The following PXDN variants were observed in gnomAD, a reference collection of about 807,000 sequenced individuals.
The protein encoded by PXDN is peroxidasin.
A neutral mutation model predicts 140.3 loss-of-function variants in PXDN; 77 were observed. That is an observed-to-expected ratio of 0.55 (90% CI 0.46 to 0.66). The LOEUF (loss-of-function observed/expected upper bound fraction) is 0.66, where lower values mean the gene tolerates loss of function less well. PXDN is among the 30% of genes least tolerant of loss of function. The pLI is 0.00. For synonymous variants in PXDN, 911 were observed against 857.4 expected (o/e 1.06, Z -1.09); for missense variants, 1,838 against 2,039.5 (o/e 0.90, Z 1.90).
At position 1,651,742 on chromosome 2, in the gene PXDN, C is replaced by A. The variant is rs866338608; in HGVS notation, c.2104+1886G>T. The stretch of plus-strand genomic sequence containing the variant: ...TCACCTTCGCCCATGGGGAACAGCA[C>A]CCCATCCCAGCCAGGGCACCACCCA... On this transcript the variant is annotated intron_variant, in intron 16 of 22. Coordinates refer to ENST00000252804, the MANE Select transcript of PXDN (RefSeq NM_012293.3). This position sits in a 1 kb window ranked among gnomAD's most constrained non-coding sequence, Gnocchi z 4.4. Among the ~76,000 whole-genome samples, 6 of 152,210 alleles carry A rather than the reference C, an allele frequency of 3.9e-5. No homozygotes were observed. The highest frequency in any genetic ancestry group is 1.4e-4 in the African/African-American group (6 of 41,446).
At chr2:1,742,472 G>T (rs1407175231) in intron 1 of PXDN, among the ~76,000 whole-genome samples, 1 of 152,206 alleles carries the variant, frequency 6.6e-6, no homozygotes, top group African/African-American at 2.4e-5. Context: ...TCGGTGAGGC[G>T]TTTGTGGACG....
rs1572139625 is a variant in PXDN at position 1,664,018 on chromosome 2, A to G, written c.1409-255T>C. ...AGGGAAAAGCACTACACAGGGGGCC[A>G]GGAGGACATGGGGACTCGGGGAGTC... On this transcript the variant is annotated intron_variant, in intron 11 of 22. Transcript: ENST00000252804. 9 of 477,738 alleles carry G rather than the reference A, an allele frequency of 1.9e-5. No homozygotes were observed. In the East Asian group the frequency reaches 3.2e-4, roughly 17 times the overall value. The allele number at this position is 477,738 out of a possible 1,614,324, so 29.6% of individuals were successfully genotyped here. A position where few individuals can be genotyped will look rare whatever the true frequency, so the allele number is the denominator to read the frequency against.
rs1438393247 is a variant in PXDN at position 1,685,868 on chromosome 2, C to T, written c.417-1717G>A. On this transcript the variant is annotated intron_variant, in intron 4 of 22. Coordinates refer to ENST00000252804, the MANE Select transcript of PXDN (RefSeq NM_012293.3). This position sits in a 1 kb window ranked among gnomAD's most constrained non-coding sequence, Gnocchi z 5.1. ...CAGGACCAAAGACAGGAAATGGCTCCCCAAGTATACTGAGGTCATCATTGA... is the reference window on the plus strand; with the variant it reads ...CAGGACCAAAGACAGGAAATGGCTCTCCAAGTATACTGAGGTCATCATTGA... Among the ~76,000 whole-genome samples the T allele has an allele frequency of 6.6e-6, 1 of 152,110 alleles. No homozygotes were observed. Among genetic ancestry groups the T allele is most frequent in the Non-Finnish European group, 1.5e-5 (1 of 68,016 alleles).
At position 1,684,158 on chromosome 2, in the gene PXDN, G is replaced by A. The variant is rs755502218; in HGVS notation, c.417-7C>T. The A allele has an allele frequency of 5.2e-5, 81 of 1,562,466 alleles. No homozygotes were observed. In the African/African-American group the frequency reaches 9.4e-4, roughly 18 times the overall value. ...CTGATTAAAGTGCAGGTATCTAGAGGAGTTAAAAGAAAAAAAAGTATAACT... is the reference window on the plus strand; with the variant it reads ...CTGATTAAAGTGCAGGTATCTAGAGAAGTTAAAAGAAAAAAAAGTATAACT... On this transcript the variant is annotated splice_polypyrimidine_tract_variant and splice_region_variant and intron_variant, in intron 4 of 22. Coordinates refer to ENST00000252804, the MANE Select transcript of PXDN (RefSeq NM_012293.3).
At chr2:1,741,239 C>T (rs539622344) in intron 1 of PXDN, among the ~76,000 whole-genome samples, 1 of 152,270 alleles carries the variant, frequency 6.6e-6, no homozygotes, top group East Asian at 1.9e-4. Flanking sequence ...GGGCGTACAA[C>T]GGCATACTTT....
At position 1,643,725 on chromosome 2, in the gene PXDN, C is replaced by T. The variant is rs1682782397; in HGVS notation, c.3744-149G>A. The T allele has an allele frequency of 4.0e-6, 3 of 745,626 alleles. No homozygotes were observed. The Admixed American group carries it at 7.3e-5, about 18-fold the overall frequency. The allele number at this position is 745,626 out of a possible 1,614,324, so 46.2% of individuals were successfully genotyped here. ...TGTCACTTAAAAATGGACTCACACA[C>T]TGCTCACATCCCCTACCCCATAACA... On this transcript the variant is annotated intron_variant, in intron 18 of 22. Coordinates refer to ENST00000252804, the MANE Select transcript of PXDN (RefSeq NM_012293.3).
intron 16 of PXDN, among the ~76,000 whole-genome samples, chr2:1,650,807 C>T (rs1258251162): frequency 6.6e-6 from 1 of 152,134 alleles, no homozygotes; most frequent in Non-Finnish European, 1.5e-5. Context: ...CACAGAGTTC[C>T]AAGCCATCAC....
intron 12 of PXDN, 44 bp downstream of exon 12, chr2:1,663,561 C>T (rs750173529): frequency 1.9e-6 from 3 of 1,601,912 alleles, no homozygotes; most frequent in Non-Finnish European, 1.7e-6. Context: ...TCCTGATAAC[C>T]GATCTGAGAA....
At chr2:1,707,723 A>C (rs1206823860) in intron 1 of PXDN, among the ~76,000 whole-genome samples, 1 of 152,212 alleles carries the variant, frequency 6.6e-6, no homozygotes, top group African/African-American at 2.4e-5. Flanking sequence ...GGGAATGAAC[A>C]CACTCTGGGT....
intron 6 of PXDN, among the ~76,000 whole-genome samples, chr2:1,682,545 A>G (rs1683932791): frequency 6.6e-6 from 1 of 152,240 alleles, no homozygotes; most frequent in African/African-American, 2.4e-5. Flanking sequence ...ACCATGAAGG[A>G]AAACACAAAA....
intron 1 of PXDN, among the ~76,000 whole-genome samples, chr2:1,701,456 C>T (rs192474187): frequency 1.4e-4 from 21 of 152,246 alleles, no homozygotes; most frequent in Admixed American, 2.6e-4. Context: ...CACCGGCAGT[C>T]GCAGGAGAAA....
In PXDN at chr2:1,684,066, A is replaced by C. The variant is rs1455570108; in HGVS notation, c.488+14T>G. ...CTCTGTGAATGGAAAGGCAAGGAAC[A>C]ACACACAACTCACAGCCTCTCGAGC... On this transcript the variant is annotated intron_variant, in intron 5 of 22. Coordinates refer to ENST00000252804, the MANE Select transcript of PXDN (RefSeq NM_012293.3). The C allele has an allele frequency of 6.4e-7, 1 of 1,568,684 alleles. No homozygotes were observed. Among genetic ancestry groups the C allele is most frequent in the Admixed American group, 1.9e-5 (1 of 53,890 alleles).
chr2:1,715,835 C>A (rs944392659), intron 1 of PXDN, among the ~76,000 whole-genome samples: 1 of 152,114 alleles, frequency 6.6e-6, no homozygotes, highest in African/African-American at 2.4e-5. Flanking sequence ...GGTACTTGCC[C>A]GGGAAAACCA....
At chr2:1,653,455 GA>G (rs1683059128) in intron 16 of PXDN, 172 bp downstream of exon 16, 4 of 1,007,466 alleles carry the variant, frequency 4.0e-6, no homozygotes, top group African/African-American at 1.6e-5. Flanking sequence ...AAGTGAGAGC[GA>G]CAGGGCTGTA....
rs954710819 is a variant in PXDN, at chr2:1,714,894, C to G, written c.201-21760G>C. On this transcript the variant is annotated intron_variant, in intron 1 of 22. Transcript: ENST00000252804. This position sits in a 1 kb window ranked among gnomAD's most constrained non-coding sequence, Gnocchi z 4.3. ...CTGGGAGCCTGGCCTGGCGCCCTGT[C>G]TTGCTCACCCTGTCCCAGATTAACC... is the stretch of plus-strand genomic sequence containing the variant. Among the ~76,000 whole-genome samples the G allele has an allele frequency of 6.6e-6, 1 of 152,158 alleles. No homozygotes were observed. Among genetic ancestry groups the G allele is most frequent in the Non-Finnish European group, 1.5e-5 (1 of 68,032 alleles).
Position 1,644,695 on chromosome 2 carries a change from C to G in PXDN, c.3666G>C (p.Leu1222=). 1 of 1,603,452 alleles carries G rather than the reference C, an allele frequency of 6.2e-7. No individual in the cohort carries two copies. The highest frequency in any genetic ancestry group is 1.1e-5 in the South Asian group (1 of 89,604). Residue 1222 remains leucine, a synonymous_variant, in exon 18 of 23, where the codon CTG becomes CTC. Transcript: ENST00000252804. ...DLFPALVVED[L]VPGSRLGPTL... ...TGGGGCCCAGCCGGCTGCCAGGCACCAGGTCCTCCACCACGAGCGCCGGAA... is the reference window on the plus strand; with the variant it reads ...TGGGGCCCAGCCGGCTGCCAGGCACGAGGTCCTCCACCACGAGCGCCGGAA...
At chr2:1,650,527 C>T (rs1682992013) in intron 16 of PXDN, among the ~76,000 whole-genome samples, 1 of 152,172 alleles carries the variant, frequency 6.6e-6, no homozygotes, top group Non-Finnish European at 1.5e-5. Context: ...GCCTTCAAGA[C>T]ACCTGCTCCA....
intron 6 of PXDN, among the ~76,000 whole-genome samples, chr2:1,681,083 G>A (rs1362914271): frequency 6.6e-6 from 1 of 152,150 alleles, no homozygotes; most frequent in Non-Finnish European, 1.5e-5. Context: ...GTTGGAAGAG[G>A]CTGGCAGCTG....
At chr2:1,721,611 C>A (rs182423281) in intron 1 of PXDN, among the ~76,000 whole-genome samples, 1 of 152,090 alleles carries the variant, frequency 6.6e-6, no homozygotes, top group Non-Finnish European at 1.5e-5. Flanking sequence ...CCGAGGCGGG[C>A]GGATCACGAG....
Sources: gnomAD v4.1 joint callset for allele counts (sites outside exome capture counted in the v4.1 genomes callset) on GRCh38, gnomAD v4.1.1 for gene constraint, Gnocchi (gnomAD v3.1) non-coding constraint, MANE v1.5 for transcripts, NCBI Gene and HGNC (gene_info 2026-07-23, HGNC 2026-07-21) for gene names.